The following NRXN1 variants were observed in gnomAD, a reference collection of about 807,000 sequenced individuals.
The protein encoded by NRXN1 is neurexin-1.
In NRXN1, 39 loss-of-function variants were observed where a neutral mutation model predicts 150.9. The ratio of observed to expected loss-of-function variants is 0.26; its 90% CI spans 0.20 to 0.34. The LOEUF (loss-of-function observed/expected upper bound fraction) is 0.34, where lower values mean the gene tolerates loss of function less well. NRXN1 is among the 10% of genes least tolerant of loss of function. The pLI is 1.00. For synonymous variants in NRXN1, 924 were observed against 757.0 expected, an observed-to-expected ratio of 1.22 and a Z score of -3.62; for missense variants, 1,815 against 1,949.9, an observed-to-expected ratio of 0.93 and a Z score of 1.30.
At chr2:50,127,255 A>T (rs1442745894) in intron 18 of NRXN1, among the ~76,000 whole-genome samples, 2 of 152,140 alleles carry the variant, frequency 1.3e-5, no homozygotes, top group East Asian at 3.9e-4. Flanking sequence ...GAAAAATTAA[A>T]ATATGTTCTC....
intron 5 of NRXN1, among the ~76,000 whole-genome samples, chr2:50,778,711 T>C (rs1179876578): frequency 6.6e-6 from 1 of 152,162 alleles, no homozygotes; most frequent in African/African-American, 2.4e-5. Context: ...TCTAAGTTGT[T>C]TCAAGAATAT....
rs753449110 is a variant in NRXN1 at position 51,027,775 on chromosome 2, G to T, written c.499C>A (p.Leu167Ile). Residue 167 changes from leucine to isoleucine, a missense_variant, in exon 2 of 23, where the codon CTC (leucine) becomes ATC (isoleucine). Physicochemically the swap from Leu to Ile is conservative, Grantham distance 5 (BLOSUM62 2). This residue lies in a region of NRXN1 where 554 missense variants were observed against 478.8 expected (regional missense o/e 1.16). Transcript: ENST00000401669. The stretch of plus-strand genomic sequence containing the variant: ...CTCACCGAGGCCAGGGTGAGCTTGA[G>T]CGCCGCGGCGCGCAGTTCCGGGGGC... ...GLPPELRAAA[L>I]KLTLASVRER... is the part of the protein sequence containing the mutation. 4.3e-6 allele frequency: 7 copies of T among 1,612,468 alleles called. No individual in the cohort carries two copies. The Admixed American group carries it at 1.2e-4, about 27-fold the overall frequency.
intron 17 of NRXN1, among the ~76,000 whole-genome samples, chr2:50,251,288 T>C (rs996744016): frequency 6.6e-6 from 1 of 152,028 alleles, no homozygotes; most frequent in African/African-American, 2.4e-5. Context: ...ACTGTTTGGT[T>C]TTCTGTTCCT....
Position 51,028,250 on chromosome 2 carries a change from G to C in NRXN1, c.24C>G (p.Arg8=). The C allele has an allele frequency of 3.4e-6, 5 of 1,461,886 alleles. No homozygotes were observed. The highest frequency in any genetic ancestry group is 4.5e-6 in the Non-Finnish European group (5 of 1,113,926). 90.6% of individuals were successfully genotyped at this position (1,461,886 alleles called of 1,614,324 possible). ...AGAGGCACAGAAGAAAACAGCCCCC[G>C]CGCTGGAGCAGCGCCGTCCCCATGC... MGTALLQ[R]GGCFLLCLSL... The change falls in exon 2 of 23, where the codon CGC becomes CGG. Residue 8 remains arginine, a synonymous_variant. Coordinates refer to ENST00000401669, the MANE Select transcript of NRXN1 (RefSeq NM_001330078.2).
At chr2:50,583,092 C>T (rs1573643776) in intron 8 of NRXN1, among the ~76,000 whole-genome samples, 2 of 151,866 alleles carry the variant, frequency 1.3e-5, no homozygotes, top group Admixed American at 1.3e-4. Context: ...CCGCTGTTAC[C>T]CAGGCTGCAA....
intron 15 of NRXN1, among the ~76,000 whole-genome samples, chr2:50,475,000 AGTT>A (rs2089873909): frequency 6.6e-6 from 1 of 152,038 alleles, no homozygotes; most frequent in Non-Finnish European, 1.5e-5. Flanking sequence ...AAAATAGAAA[AGTT>A]ACATTTCTTG....
At chr2:50,623,771 G>A (rs1680480708) in intron 5 of NRXN1, among the ~76,000 whole-genome samples, 156 bp from the exon 6 acceptor site, 1 of 151,996 alleles carries the variant, frequency 6.6e-6, no homozygotes, top group African/African-American at 2.4e-5. Flanking sequence ...ACTGTACAGG[G>A]CAGTATTTTT....
At chr2:50,632,252 TG>T (rs1682468105) in intron 5 of NRXN1, 1 of 152,032 alleles carries the variant, frequency 6.6e-6, no homozygotes, top group Admixed American at 6.6e-5. Context: ...TGGGGTGGTC[TG>T]TAACTCTAAA....
At chr2:50,818,578 A>C (rs1669261495) in intron 5 of NRXN1, among the ~76,000 whole-genome samples, 1 of 152,044 alleles carries the variant, frequency 6.6e-6, no homozygotes, top group Admixed American at 6.6e-5. Flanking sequence ...AAAATGCCTA[A>C]AATAAAACAC....
At chr2:50,981,080 G>A (rs1401965322) in intron 2 of NRXN1, among the ~76,000 whole-genome samples, 1 of 152,020 alleles carries the variant, frequency 6.6e-6, no homozygotes, top group Non-Finnish European at 1.5e-5. Context: ...ATAATGTAAG[G>A]TCCAAGCCCT....
chr2:50,390,576 G>A (rs2081622261), intron 17 of NRXN1, among the ~76,000 whole-genome samples: 1 of 152,168 alleles, frequency 6.6e-6, no homozygotes, highest in Non-Finnish European at 1.5e-5. Context: ...CAAAGTTCAT[G>A]TGTTAGAAAC....
intron 2 of NRXN1, among the ~76,000 whole-genome samples, chr2:51,024,298 C>G (rs1558605902): frequency 6.6e-6 from 1 of 152,118 alleles, no homozygotes; most frequent in Non-Finnish European, 1.5e-5. Context: ...GAGGCTGACG[C>G]TCAGGGTCAA....
At chr2:50,777,519 C>A (rs1349504640) in intron 5 of NRXN1, among the ~76,000 whole-genome samples, 1 of 152,124 alleles carries the variant, frequency 6.6e-6, no homozygotes, top group Non-Finnish European at 1.5e-5. Flanking sequence ...CTAACGCTGG[C>A]TACTTAGGCT....
intron 2 of NRXN1, among the ~76,000 whole-genome samples, chr2:51,022,862 A>G (rs1435952144): frequency 6.6e-6 from 1 of 152,324 alleles, no homozygotes; most frequent in Admixed American, 6.5e-5. Flanking sequence ...TATACTATAA[A>G]GTATGGCACT....
chr2:50,181,447 C>T (rs1180345902), intron 18 of NRXN1, among the ~76,000 whole-genome samples: 1 of 152,060 alleles, frequency 6.6e-6, no homozygotes, highest in Non-Finnish European at 1.5e-5. Context: ...GCGGCATTAT[C>T]TTAAGAGACA....
chr2:50,925,494 C>A (rs145233548), intron 3 of NRXN1, among the ~76,000 whole-genome samples: 1 of 151,810 alleles, frequency 6.6e-6, no homozygotes, highest in Non-Finnish European at 1.5e-5. Flanking sequence ...TCTTTTTATA[C>A]ATCCAATCAT....
intron 5 of NRXN1, among the ~76,000 whole-genome samples, chr2:50,651,552 G>A (rs1465819681): frequency 6.6e-6 from 1 of 152,012 alleles, no homozygotes; most frequent in Non-Finnish European, 1.5e-5. Context: ...ACACTGGGAG[G>A]CTGAGGCAGG....
At chr2:50,353,570 G>A (rs970592612) in intron 17 of NRXN1, among the ~76,000 whole-genome samples, 3 of 152,150 alleles carry the variant, frequency 2.0e-5, no homozygotes, top group East Asian at 3.9e-4. Context: ...TGATTATAAC[G>A]CTAAATGTAA....
chr2:50,460,335 T>C (rs1055342457), intron 17 of NRXN1, among the ~76,000 whole-genome samples: 3 of 152,100 alleles, frequency 2.0e-5, no homozygotes, highest in Admixed American at 6.6e-5. Flanking sequence ...TCCTTTTTGA[T>C]TTCTAGGGGC....
Sources: gnomAD v4.1 joint callset for allele counts (sites outside exome capture counted in the v4.1 genomes callset) on GRCh38, gnomAD v4.1.1 for gene constraint, gnomAD v4.1.1 regional missense constraint, MANE v1.5 for transcripts, NCBI Gene and HGNC (gene_info 2026-07-23, HGNC 2026-07-21) for gene names.